The following CACNA1B variants were observed in gnomAD, a reference collection of about 807,000 sequenced individuals.
CACNA1B encodes the protein voltage-dependent N-type calcium channel subunit alpha-1B.
A neutral mutation model predicts 247.2 loss-of-function variants in CACNA1B; 70 were observed. That is an observed-to-expected ratio of 0.28 (90% confidence interval 0.23 to 0.35). The LOEUF (loss-of-function observed/expected upper bound fraction) is 0.35. Among genes scored for constraint, CACNA1B ranks in the 10% least tolerant of loss-of-function variants. The pLI, the probability that CACNA1B is intolerant of heterozygous loss-of-function variation, is 1.00. For missense variants in CACNA1B, 2,367 were observed against 3,197.4 expected (o/e 0.74, Z 6.26); for synonymous variants, 1,231 against 1,294.4 (o/e 0.95, Z 1.05).
chr9:137,971,561 C>T lies in CACNA1B; in HGVS notation c.1512C>T (p.Tyr504=). 6.2e-7 allele frequency: 1 copy of T among 1,613,594 alleles called. No homozygotes were observed. Among genetic ancestry groups the T allele is most frequent in the Non-Finnish European group, 8.5e-7 (1 of 1,179,694 alleles). Residue 504 remains tyrosine, a synonymous_variant, in exon 11 of 47, where the codon TAC becomes TAT. Transcript: ENST00000371372. The surrounding 1 kb of genome is among the most constrained non-coding windows in gnomAD (Gnocchi z 4.4). ...LNTLCVAMVH[Y]NQPRRLTTTL... is the part of the protein sequence containing the mutation. ...CACTGTGTGTGGCCATGGTGCATTA[C>T]AACCAGCCGCGGCGGCTTACCACGA...
chr9:138,115,453 G>T, intron 41 of CACNA1B, 99 bp from the exon 42 acceptor site: 1 of 1,309,362 alleles, frequency 7.6e-7, no homozygotes, highest in South Asian at 1.5e-5. Flanking sequence ...GCTTGAACAT[G>T]ACCTGGCTTT....
intron 12 of CACNA1B, among the ~76,000 whole-genome samples, chr9:137,980,621 A>G (rs544555824): frequency 5.9e-5 from 9 of 152,382 alleles, no homozygotes; most frequent in African/African-American, 1.4e-4. Flanking sequence ...TCACCCAAGT[A>G]GTGAGCATAG....
rs76069136 is a variant in CACNA1B, at chr9:138,111,854, G to A, written c.5429-544G>A. Among the ~76,000 whole-genome samples, 838 of 151,782 alleles carry A rather than the reference G, an allele frequency of 5.5e-3. 27 individuals are homozygous for A. The East Asian group carries it at 0.1, about 19-fold the overall frequency. On this transcript the variant is annotated intron_variant, in intron 39 of 46. Coordinates refer to ENST00000371372, the MANE Select transcript of CACNA1B (RefSeq NM_000718.4). ...AGGCCTCCTCGGGAGACTGATGGCCGTCCTGTCCACAGCCGCAGCCCTGCT... is the reference window on the plus strand; with the variant it reads ...AGGCCTCCTCGGGAGACTGATGGCCATCCTGTCCACAGCCGCAGCCCTGCT...
chr9:137,968,500 G>A (rs1246010713), intron 10 of CACNA1B, among the ~76,000 whole-genome samples: 1 of 152,234 alleles, frequency 6.6e-6, no homozygotes, highest in African/African-American at 2.4e-5. Context: ...GAGGGCCAGG[G>A]GTGACAGCCA....
intron 6 of CACNA1B, among the ~76,000 whole-genome samples, chr9:137,928,401 G>T (rs1327035259): frequency 1.3e-5 from 2 of 152,062 alleles, no homozygotes; most frequent in South Asian, 2.1e-4. Flanking sequence ...CCTGGCCTAT[G>T]ATTTTCCTTT....
chr9:137,890,819 C>T (rs577426899), intron 3 of CACNA1B: 17 of 130,294 alleles, frequency 1.3e-4, no homozygotes, highest in African/African-American at 4.3e-4. Flanking sequence ...AGCTGGAGGC[C>T]GTGAGGCTGG....
At position 137,914,869 on chromosome 9, in the gene CACNA1B, G is replaced by C; in HGVS notation, c.775+63G>C. ...CACGGATGCGTTCATCCAGGAGATG[G>C]GCACTGTTCTAGGTGCTAGAGGGGC... On this transcript the variant is annotated intron_variant, in intron 5 of 46. Transcript: ENST00000371372. This position sits in a 1 kb window ranked among gnomAD's most constrained non-coding sequence, Gnocchi z 4.3. 6.3e-7 allele frequency: 1 copy of C among 1,586,078 alleles called. No homozygotes were observed. The highest frequency in any genetic ancestry group is 1.7e-4 in the Middle Eastern group (1 of 5,986).
At chr9:138,048,778 C>T (rs1360308915) in intron 23 of CACNA1B, among the ~76,000 whole-genome samples, 8 of 152,154 alleles carry the variant, frequency 5.3e-5, no homozygotes, top group African/African-American at 1.9e-4. Flanking sequence ...AGTATGGTGG[C>T]GTGATCTCAG....
At chr9:137,896,238 C>CAA (rs34505431) in intron 3 of CACNA1B, among the ~76,000 whole-genome samples, 96 of 69,410 alleles carry the variant, frequency 1.4e-3, no homozygotes, top group Middle Eastern at 7.9e-3. Flanking sequence ...GACTCTGTCT[C>CAA]AAAAAAAAAA....
rs543766397 is a variant in CACNA1B, at chr9:137,957,755, C to A, written c.1333+68C>A. ...GGACATGGAGTGCATGCTCCGCTTC[C>A]CCTGCTACCCAGCCACTGTTGGACG... On this transcript the variant is annotated intron_variant, in intron 10 of 46. Coordinates refer to ENST00000371372, the MANE Select transcript of CACNA1B (RefSeq NM_000718.4). The surrounding 1 kb of genome is among the most constrained non-coding windows in gnomAD (Gnocchi z 4.7). 9 of 1,129,144 alleles carry A rather than the reference C, an allele frequency of 8.0e-6. No individual in the cohort carries two copies. The highest frequency in any genetic ancestry group is 1.0e-5 in the Non-Finnish European group (8 of 800,438). 69.9% of individuals were successfully genotyped at this position (1,129,144 alleles called of 1,614,324 possible). A position where few individuals can be genotyped will look rare whatever the true frequency, so the allele number is the denominator to read the frequency against.
intron 15 of CACNA1B, among the ~76,000 whole-genome samples, chr9:138,003,981 C>G (rs1026129946): frequency 6.6e-6 from 1 of 151,888 alleles, no homozygotes. Flanking sequence ...CGTGACAGTG[C>G]CATGGGTGGT....
In CACNA1B at chr9:137,889,415, C is replaced by T. The variant is rs1354603508; in HGVS notation, c.530+6532C>T. Among the ~76,000 whole-genome samples, 90 of 148,670 alleles carry T rather than the reference C, an allele frequency of 6.1e-4. 1 individual carries two copies. Among genetic ancestry groups the T allele is most frequent in the East Asian group, 3.1e-3 (16 of 5,142 alleles). On this transcript the variant is annotated intron_variant, in intron 3 of 46. Transcript: ENST00000371372. The stretch of plus-strand genomic sequence containing the variant: ...CCCTCACCCCTAGTGTGGCTGGAAC[C>T]GGTGGAGCGGGGGCTGAGTTCTGAC...
In CACNA1B at chr9:138,023,145, C is replaced by T; in HGVS notation, c.2402C>T (p.Thr801Ile). ...CCCGAGGAGCGGCTGCGCTTCGCCA[C>T]TACGCGCCACCTGCGGCCCGACATG... ...MDPEERLRFATTRHLRPDMKT... is the reference protein window; with the variant it reads ...MDPEERLRFAITRHLRPDMKT... Residue 801 changes from threonine to isoleucine, a missense_variant, in exon 19 of 47, where the codon ACT becomes ATT. Physicochemically the swap from Thr to Ile is moderately conservative, Grantham distance 89 (BLOSUM62 -1). Transcript: ENST00000371372. The T allele has an allele frequency of 6.5e-7, 1 of 1,536,624 alleles. No individual in the cohort carries two copies. The highest frequency in any genetic ancestry group is 1.2e-5 in the South Asian group (1 of 83,528).
chr9:138,056,180 G>T (rs1286562018), intron 26 of CACNA1B, among the ~76,000 whole-genome samples: 2 of 151,976 alleles, frequency 1.3e-5, no homozygotes, highest in Non-Finnish European at 2.9e-5. Flanking sequence ...GTCAATTTTA[G>T]AACACATTTT....
chr9:137,892,006 T>A (rs1488182550), intron 3 of CACNA1B: 1 of 456,794 alleles, frequency 2.2e-6, no homozygotes, highest in East Asian at 6.9e-5. Context: ...CCTTGCGCCT[T>A]GGTCCTCCTC....
rs936153262 is a variant in CACNA1B at position 137,891,396 on chromosome 9, G to C, written c.530+8513G>C. On this transcript the variant is annotated intron_variant, in intron 3 of 46. Transcript: ENST00000371372. The surrounding 1 kb of genome is among the most constrained non-coding windows in gnomAD (Gnocchi z 4.3). ...CGTCCGTGGCCTCCGGTCCAGGCTC[G>C]GGCTCCAGGTGCTCACTGGGGCTGC... The C allele has an allele frequency of 1.3e-5, 2 of 153,110 alleles. No homozygotes were observed. Among genetic ancestry groups the C allele is most frequent in the Non-Finnish European group, 2.9e-5 (2 of 68,814 alleles). The allele number at this position is 153,110 out of a possible 1,614,324, so 9.5% of individuals were successfully genotyped here.
chr9:138,093,431 AGAAG>A (rs1960948307), intron 36 of CACNA1B, among the ~76,000 whole-genome samples: 1 of 149,846 alleles, frequency 6.7e-6, no homozygotes, highest in South Asian at 2.1e-4. Flanking sequence ...AAAAAAAAGA[AGAAG>A]AAGACAGAAA....
At chr9:138,005,607 G>GAT (rs1958637307) in intron 15 of CACNA1B, among the ~76,000 whole-genome samples, 1 of 152,134 alleles carries the variant, frequency 6.6e-6, no homozygotes, top group African/African-American at 2.4e-5. Context: ...CAGAAGAAAA[G>GAT]GTTTGAGATG....
chr9:138,117,269 G>A (rs958973696), intron 42 of CACNA1B, among the ~76,000 whole-genome samples: 1 of 109,876 alleles, frequency 9.1e-6, no homozygotes, highest in Non-Finnish European at 1.9e-5. Context: ...AGGGATGGAA[G>A]GGCTCATTGT....
Sources: allele counts gnomAD v4.1 joint callset (sites outside exome capture counted in the v4.1 genomes callset), GRCh38; gene constraint gnomAD v4.1.1; non-coding constraint Gnocchi (gnomAD v3.1); transcripts MANE v1.5; gene names NCBI Gene and HGNC (gene_info 2026-07-23, HGNC 2026-07-21).